Variants in WWC1 observed in about 807,000 individuals in gnomAD.
WWC1 encodes the protein protein KIBRA.
Under a neutral mutation model 138.4 loss-of-function variants are expected in WWC1, and 55 were observed. The observed-to-expected ratio is 0.40, with a 90% CI of 0.32 to 0.50. The LOEUF (loss-of-function observed/expected upper bound fraction) is 0.50. WWC1 is among the 20% of genes least tolerant of loss of function. The pLI is 0.72. For missense variants in WWC1, 1,226 were observed against 1,420.4 expected (o/e 0.86, Z 2.20); for synonymous variants, 524 against 564.9 (o/e 0.93, Z 1.03).
chr5:168,408,665 G>A lies in WWC1; in HGVS notation c.867+12G>A, dbSNP rs199953453. 2.6e-4 allele frequency: 422 copies of A among 1,613,578 alleles called. 2 individuals are homozygous for A. The highest frequency in any genetic ancestry group is 7.0e-5 in the Non-Finnish European group (82 of 1,179,786). On this transcript the variant is annotated intron_variant, in intron 7 of 22. Transcript: ENST00000265293. ...ACATCTCGGGAAGCGTGAGTAGACG[G>A]GGCAGGTTGCTGGGGGCCTTCCACA...
intron 9 of WWC1, chr5:168,415,342 CA>C (rs1190016268): frequency 6.6e-6 from 1 of 152,094 alleles, no homozygotes; most frequent in African/African-American, 2.4e-5. Flanking sequence ...GGAACTAATC[CA>C]GAAGTTTTTT....
Position 168,464,958 on chromosome 5 carries a change from A to C in WWC1, c.3146A>C (p.Lys1049Thr), listed in dbSNP as rs752156453. 1 of 1,613,760 alleles carries C rather than the reference A, an allele frequency of 6.2e-7. No individual in the cohort carries two copies. ...RFRLLLRMLE[K>T]RQMDRAEHKG... ...CGCCTGCTGCTGAGGATGCTGGAGA[A>C]GCGGGTGAGTTCTGCCTCGAAGGCA... Residue 1049 changes from lysine to threonine, a missense_variant, in exon 21 of 23, where the codon AAG becomes ACG. Physicochemically the swap from Lys to Thr is moderately conservative, Grantham distance 78. Transcript: ENST00000265293.
At chr5:168,306,846 C>T (rs1275318386) in intron 1 of WWC1, among the ~76,000 whole-genome samples, 1 of 152,242 alleles carries the variant, frequency 6.6e-6, no homozygotes, top group East Asian at 1.9e-4. Flanking sequence ...ATCCACCCAT[C>T]TTGGCCTCCC....
At position 168,326,216 on chromosome 5, in the gene WWC1, C is replaced by CTTTTTTTTTTTTTTTTTTTTTTTT. The variant is rs796347858; in HGVS notation, c.119+33963_119+33964insTTTTTTTTTTTTTTTTTTTTTTTT. 3.4e-4 allele frequency among the ~76,000 whole-genome samples: 39 copies of CTTTTTTTTTTTTTTTTTTTTTTTT among 113,280 alleles called. 1 individual carries two copies. Among genetic ancestry groups the CTTTTTTTTTTTTTTTTTTTTTTTT allele is most frequent in the African/African-American group, 1.3e-3 (37 of 29,156 alleles). 74.3% of individuals were successfully genotyped at this position (113,280 alleles called of 152,430 possible). The stretch of plus-strand genomic sequence containing the variant: ...TGGCTCAGGACACCGACCTGATAGT[C>CTTTTTTTTTTTTTTTTTTTTTTTT]TTTTTTTTTTTTTTTTTTGGGACGG... On this transcript the variant is annotated intron_variant, in intron 1 of 22. Transcript: ENST00000265293.
intron 1 of WWC1, among the ~76,000 whole-genome samples, chr5:168,329,954 A>T (rs1772887823): frequency 6.6e-6 from 1 of 151,884 alleles, no homozygotes; most frequent in South Asian, 2.1e-4. Context: ...TACTGAAAAT[A>T]CAAAAATTAG....
At chr5:168,379,100 A>G (rs185037593) in intron 2 of WWC1, among the ~76,000 whole-genome samples, 38 of 152,338 alleles carry the variant, frequency 2.5e-4, no homozygotes, top group Middle Eastern at 3.4e-3. Flanking sequence ...TGATGCCTGC[A>G]CTAGAGCAGA....
At position 168,472,148 on chromosome 5, in the gene WWC1, G is replaced by C. The variant is rs1433982161; in HGVS notation, c.*3131G>C. On this transcript the variant is annotated 3_prime_UTR_variant, in exon 23 of 23. Coordinates refer to ENST00000265293, the MANE Select transcript of WWC1 (RefSeq NM_015238.3). ...CATCACTTCAGCTGTCGGGGCATTT[G>C]TGGGGAGAACCAGACCACCTCTGCG... The C allele has an allele frequency of 6.6e-6, 1 of 152,286 alleles. No homozygotes were observed. Among genetic ancestry groups the C allele is most frequent in the Admixed American group, 6.5e-5 (1 of 15,284 alleles). 9.4% of individuals were successfully genotyped at this position (152,286 alleles called of 1,614,324 possible). A position where few individuals can be genotyped will look rare whatever the true frequency, so the allele number is the denominator to read the frequency against.
chr5:168,368,090 CTTTTTTTTT>C (rs59582303), intron 1 of WWC1, among the ~76,000 whole-genome samples: 1 of 129,706 alleles, frequency 7.7e-6, no homozygotes, highest in South Asian at 2.5e-4. Flanking sequence ...AACACTTCAT[CTTTTTTTTT>C]TTTTTTTTGA....
chr5:168,385,553 T>A (rs935957680), intron 3 of WWC1, 139 bp downstream of exon 3: 11 of 823,326 alleles, frequency 1.3e-5, no homozygotes, highest in Non-Finnish European at 1.9e-5. Context: ...TGTTTACTGC[T>A]CTTCCTGCTC....
intron 1 of WWC1, among the ~76,000 whole-genome samples, chr5:168,330,161 C>CA (rs1470870017): frequency 6.6e-6 from 1 of 152,046 alleles, no homozygotes; most frequent in African/African-American, 2.4e-5. Context: ...ATGTAAATTC[C>CA]AAAAAAATTC....
intron 3 of WWC1, among the ~76,000 whole-genome samples, chr5:168,386,377 C>CTTTTTTTTTTTTTT (rs59691686): frequency 1.4e-5 from 2 of 143,968 alleles, no homozygotes; most frequent in Middle Eastern, 3.7e-3. Flanking sequence ...TCCCCTTGTT[C>CTTTTTTTTTTTTTT]TTTTTTTTTT....
chr5:168,382,683 T>C (rs1419073092), intron 2 of WWC1, among the ~76,000 whole-genome samples: 3 of 152,136 alleles, frequency 2.0e-5, no homozygotes, highest in African/African-American at 4.8e-5. Flanking sequence ...ACAAATTCCA[T>C]CTCCGCCTTG....
intron 1 of WWC1, among the ~76,000 whole-genome samples, chr5:168,343,088 A>G (rs1339365950): frequency 6.6e-6 from 1 of 151,994 alleles, no homozygotes; most frequent in Non-Finnish European, 1.5e-5. Context: ...ATGCATTTTC[A>G]TTGCGCAGAT....
chr5:168,451,816 G>A (rs939678014), intron 17 of WWC1, among the ~76,000 whole-genome samples: 8 of 151,874 alleles, frequency 5.3e-5, no homozygotes, highest in African/African-American at 1.9e-4. Flanking sequence ...ACAACACCAA[G>A]TGTAGTGAGG....
At chr5:168,451,292 G>A (rs1447051989) in intron 17 of WWC1, among the ~76,000 whole-genome samples, 1 of 152,142 alleles carries the variant, frequency 6.6e-6, no homozygotes, top group African/African-American at 2.4e-5. Context: ...AAACTGTTGG[G>A]ATTATAGGCG....
chr5:168,429,176 G>T (rs1781742969), intron 13 of WWC1, among the ~76,000 whole-genome samples: 1 of 151,960 alleles, frequency 6.6e-6, no homozygotes, highest in African/African-American at 2.4e-5. Context: ...GTTGATCACT[G>T]GGGGCTGCAG....
At chr5:168,402,858 C>T (rs1030278066) in intron 5 of WWC1, among the ~76,000 whole-genome samples, 1 of 152,114 alleles carries the variant, frequency 6.6e-6, no homozygotes, top group African/African-American at 2.4e-5. Context: ...GGATGCTATC[C>T]AGTCACTTCT....
chr5:168,352,041 G>A (rs1031645813), intron 1 of WWC1, among the ~76,000 whole-genome samples: 8 of 152,152 alleles, frequency 5.3e-5, no homozygotes, highest in African/African-American at 9.7e-5. Context: ...CTGCTGTCCC[G>A]TTCCTTAGAG....
intron 1 of WWC1, among the ~76,000 whole-genome samples, chr5:168,299,429 G>A (rs1769859788): frequency 1.3e-5 from 2 of 152,152 alleles, no homozygotes; most frequent in South Asian, 4.2e-4. Context: ...AGAGCTTTGG[G>A]GATGGGAGAA....
Sources: gnomAD v4.1 joint callset for allele counts (sites outside exome capture counted in the v4.1 genomes callset) on GRCh38, gnomAD v4.1.1 for gene constraint, MANE v1.5 for transcripts, NCBI Gene and HGNC (gene_info 2026-07-23, HGNC 2026-07-21) for gene names.